DLGAP1: variants seen among roughly 807,000 people sequenced by gnomAD.
The protein encoded by DLGAP1 is disks large-associated protein 1.
A neutral mutation model predicts 90.8 loss-of-function variants in DLGAP1; 11 were observed. That is an observed-to-expected ratio of 0.12 (90% CI 0.08 to 0.20). DLGAP1 has a LOEUF of 0.20. Ranked by LOEUF, DLGAP1 falls within the 10% of genes least tolerant of loss-of-function variation. The probability of loss-of-function intolerance (pLI) is 1.00; values close to 1 mark genes in which losing one functional copy is unlikely to be tolerated. For synonymous variants in DLGAP1, 558 were observed against 540.7 expected (o/e 1.03, Z -0.44); for missense variants, 1,050 against 1,333.8 (o/e 0.79, Z 3.31).
chr18:4,001,311 G>A (rs2074180447), intron 3 of DLGAP1, among the ~76,000 whole-genome samples: 1 of 151,610 alleles, frequency 6.6e-6, no homozygotes, highest in African/African-American at 2.4e-5. Flanking sequence ...TCTGGGTTAT[G>A]CTGTTCTTTA....
In DLGAP1 at chr18:4,245,950, C is replaced by G. The variant is rs1047566437; in HGVS notation, c.-266-94663G>C. 2.7e-5 allele frequency among the ~76,000 whole-genome samples: 4 copies of G among 146,826 alleles called. No homozygotes were observed. In the Admixed American group the frequency reaches 2.7e-4, roughly 10 times the overall value. On this transcript the variant is annotated intron_variant, in intron 1 of 12. Coordinates refer to ENST00000315677, the MANE Select transcript of DLGAP1 (RefSeq NM_004746.4). The stretch of plus-strand genomic sequence containing the variant: ...AGTCATCCTCATGGAATGGGAGAAG[C>G]TTTTCATAATAAATCCCTTAAATAT...
intron 5 of DLGAP1, among the ~76,000 whole-genome samples, chr18:3,799,863 G>A (rs1174671131): frequency 3.9e-5 from 6 of 152,098 alleles, no homozygotes; most frequent in African/African-American, 1.4e-4. Flanking sequence ...AGACAGCCAA[G>A]GAAAGAGAAA....
intron 2 of DLGAP1, among the ~76,000 whole-genome samples, chr18:4,016,415 A>G (rs1484980642): frequency 6.6e-6 from 1 of 152,198 alleles, no homozygotes; most frequent in East Asian, 1.9e-4. Context: ...TATATGGGAG[A>G]GAAGTGGCTG....
At chr18:4,309,905 T>A (rs544681334) in intron 1 of DLGAP1, among the ~76,000 whole-genome samples, 1 of 152,342 alleles carries the variant, frequency 6.6e-6, no homozygotes, top group South Asian at 2.1e-4. Flanking sequence ...ACACCATCTC[T>A]TCTCCACCTC....
chr18:3,585,211 G>C (rs1023396453), intron 7 of DLGAP1, among the ~76,000 whole-genome samples: 1 of 152,218 alleles, frequency 6.6e-6, no homozygotes, highest in East Asian at 1.9e-4. Context: ...CTTCCCACTA[G>C]CCCACAGCTA....
chr18:4,208,817 A>G (rs541005347), intron 1 of DLGAP1, among the ~76,000 whole-genome samples: 1 of 152,082 alleles, frequency 6.6e-6, no homozygotes, highest in East Asian at 1.9e-4. Context: ...GGGGGTGGAG[A>G]GAGAGAGAAT....
rs2062211773 is a variant in DLGAP1 at position 3,727,104 on chromosome 18, A to G, written c.1591+2031T>C. ...CAAACATGACAAATAGTTCTGTAGT[A>G]TAAGTGTTTCTCATGCAATATTTGG... On this transcript the variant is annotated intron_variant, in intron 7 of 12. Coordinates refer to ENST00000315677, the MANE Select transcript of DLGAP1 (RefSeq NM_004746.4). This position sits in a 1 kb window ranked among gnomAD's most constrained non-coding sequence, Gnocchi z 4.7. 6.6e-6 allele frequency among the ~76,000 whole-genome samples: 1 copy of G among 152,252 alleles called. No homozygotes were observed. The highest frequency in any genetic ancestry group is 2.1e-4 in the South Asian group (1 of 4,834).
At chr18:3,834,108 T>C (rs1487644672) in intron 4 of DLGAP1, among the ~76,000 whole-genome samples, 3 of 151,844 alleles carry the variant, frequency 2.0e-5, no homozygotes, top group African/African-American at 4.8e-5. Flanking sequence ...AGATCCAGAC[T>C]ATCCTGGCTA....
At chr18:4,118,007 C>T (rs575359471) in intron 2 of DLGAP1, among the ~76,000 whole-genome samples, 9 of 151,534 alleles carry the variant, frequency 5.9e-5, no homozygotes, top group East Asian at 3.9e-4. Context: ...CCTTCATGAC[C>T]GCCAGGGTTA....
chr18:3,620,851 T>A (rs1230611558), intron 7 of DLGAP1, among the ~76,000 whole-genome samples: 1 of 152,116 alleles, frequency 6.6e-6, no homozygotes, highest in Non-Finnish European at 1.5e-5. Flanking sequence ...AGCCACCACG[T>A]CCGGCCTGGT....
chr18:4,260,090 G>T (rs2078973889), intron 1 of DLGAP1, among the ~76,000 whole-genome samples: 1 of 152,178 alleles, frequency 6.6e-6, no homozygotes, highest in South Asian at 2.1e-4. Flanking sequence ...CTATTTTATG[G>T]TTAAATATTT....
chr18:4,406,129 G>C (rs1029934992), intron 1 of DLGAP1, among the ~76,000 whole-genome samples: 11 of 152,114 alleles, frequency 7.2e-5, no homozygotes, highest in African/African-American at 2.7e-4. Context: ...CGTCTGATTG[G>C]TTGTGAGAGG....
chr18:3,983,216 T>C (rs947822326), intron 3 of DLGAP1: 4 of 152,110 alleles, frequency 2.6e-5, no homozygotes, highest in African/African-American at 7.2e-5. Context: ...GGGTTATCCA[T>C]CAGGAAAAAG....
intron 5 of DLGAP1, among the ~76,000 whole-genome samples, chr18:3,746,208 C>G (rs1217905435): frequency 6.6e-6 from 1 of 152,050 alleles, no homozygotes; most frequent in African/African-American, 2.4e-5. Flanking sequence ...TGAATTCCTA[C>G]TAAGCATATA....
At chr18:4,104,300 T>A (rs959853382) in intron 2 of DLGAP1, among the ~76,000 whole-genome samples, 2 of 152,200 alleles carry the variant, frequency 1.3e-5, no homozygotes, top group African/African-American at 4.8e-5. Flanking sequence ...ATGTATATAT[T>A]TTTGAAAGCT....
intron 2 of DLGAP1, among the ~76,000 whole-genome samples, chr18:4,115,379 G>T (rs1285045006): frequency 6.6e-6 from 1 of 151,224 alleles, no homozygotes; most frequent in African/African-American, 2.4e-5. Context: ...AGAAGAGGAA[G>T]TACGTATTTA....
intron 2 of DLGAP1, among the ~76,000 whole-genome samples, chr18:4,054,449 A>C (rs1274471188): frequency 6.6e-6 from 1 of 152,248 alleles, no homozygotes; most frequent in Non-Finnish European, 1.5e-5. Flanking sequence ...AGTTCATTTA[A>C]TAGCTCCATA....
At chr18:3,618,082 G>C (rs1402771317) in intron 7 of DLGAP1, among the ~76,000 whole-genome samples, 1 of 152,148 alleles carries the variant, frequency 6.6e-6, no homozygotes, top group African/African-American at 2.4e-5. Context: ...AACAATGTGT[G>C]CCTGTATTTA....
intron 1 of DLGAP1, among the ~76,000 whole-genome samples, chr18:4,214,786 G>T (rs1422750451): frequency 1.3e-5 from 2 of 152,128 alleles, no homozygotes; most frequent in African/African-American, 4.8e-5. Flanking sequence ...TTTGAACTTA[G>T]TCTAATCAGG....
Sources: allele counts gnomAD v4.1 joint callset (sites outside exome capture counted in the v4.1 genomes callset), GRCh38; gene constraint gnomAD v4.1.1; non-coding constraint Gnocchi (gnomAD v3.1); transcripts MANE v1.5; gene names NCBI Gene and HGNC (gene_info 2026-07-23, HGNC 2026-07-21).